The following ANXA1 variants were observed in gnomAD, a reference collection of about 807,000 sequenced individuals.
ANXA1 encodes annexin A1.
ANXA1 carries 39 observed loss-of-function variants against 47.9 expected under a neutral mutation model. That is an observed-to-expected ratio of 0.81 (90% CI 0.63 to 1.06). ANXA1 has a LOEUF of 1.06. Ranked by LOEUF, ANXA1 falls within the 50% of genes least tolerant of loss-of-function variation. The pLI is 0.00. For synonymous variants in ANXA1, 146 were observed against 142.5 expected, an observed-to-expected ratio of 1.02 and a Z score of -0.17; for missense variants, 446 against 422.7, an observed-to-expected ratio of 1.06 and a Z score of -0.48.
intron 3 of ANXA1, 55 bp downstream of exon 3, chr9:73,158,858 A>C: frequency 7.3e-7 from 1 of 1,368,014 alleles, no homozygotes; most frequent in Non-Finnish European, 1.0e-6. Context: ...TGGCTATTTG[A>C]ATGACTGTCA....
At chr9:73,154,325 T>C (rs1398545150) in intron 1 of ANXA1, 1 of 1,366,310 alleles carries the variant, frequency 7.3e-7, no homozygotes, top group South Asian at 1.1e-5. Context: ...TGACTGTTAA[T>C]GAATTTGATT....
chr9:73,167,794 G>T (rs1824257892), intron 11 of ANXA1: 1 of 435,482 alleles, frequency 2.3e-6, no homozygotes. Context: ...CGGCTCACTT[G>T]TGATTTGCTT....
intron 5 of ANXA1, 147 bp from the exon 6 acceptor site, chr9:73,160,656 T>A (rs1824125855): frequency 4.6e-6 from 3 of 653,804 alleles, no homozygotes; most frequent in Non-Finnish European, 5.4e-6. Context: ...TAGGGCAATG[T>A]AATAGAGCTT....
chr9:73,160,186 A>G (rs1042778263), intron 4 of ANXA1, 77 bp from the exon 5 acceptor site: 4 of 1,011,056 alleles, frequency 4.0e-6, no homozygotes, highest in Non-Finnish European at 5.8e-6. Flanking sequence ...ACGATGACCT[A>G]AAGTCAGGTA....
At position 73,156,161 on chromosome 9, in the gene ANXA1, A is replaced by ATAATAAG. The variant is rs1824045520; in HGVS notation, c.-14-2358_-14-2357insTAAGTAA. Among the ~76,000 whole-genome samples, 3 of 147,540 alleles carry ATAATAAG rather than the reference A, an allele frequency of 2.0e-5. No individual in the cohort carries two copies. The South Asian group carries it at 6.2e-4, about 31-fold the overall frequency. ...AATAATAAATAATATAAATAAATAA[A>ATAATAAG]TAAATAAATAAAATAAATAAATAAT... is the stretch of plus-strand genomic sequence containing the variant. On this transcript the variant is annotated intron_variant, in intron 1 of 12. Coordinates refer to ENST00000257497, the MANE Select transcript of ANXA1 (RefSeq NM_000700.3).
At chr9:73,159,718 C>T (rs1163319576) in intron 4 of ANXA1, 1 of 232,740 alleles carries the variant, frequency 4.3e-6, no homozygotes, top group Non-Finnish European at 8.5e-6. Flanking sequence ...AGAATATGGT[C>T]TGATTGAAAT....
rs1165489786 is a variant in ANXA1, at chr9:73,162,937, A to C, written c.555+76A>C. 4 of 1,186,370 alleles carry C rather than the reference A, an allele frequency of 3.4e-6. No individual in the cohort carries two copies. In the African/African-American group the frequency reaches 4.6e-5, roughly 14 times the overall value. 73.5% of individuals were successfully genotyped at this position (1,186,370 alleles called of 1,614,324 possible). A position where few individuals can be genotyped will look rare whatever the true frequency, so the allele number is the denominator to read the frequency against. On this transcript the variant is annotated intron_variant, in intron 7 of 12. Coordinates refer to ENST00000257497, the MANE Select transcript of ANXA1 (RefSeq NM_000700.3). ...TCTTAGTCCATTTTGTGTTGCTATA[A>C]GGGAATATCTGAGGCTAGGTAATTT...
At position 73,167,470 on chromosome 9, in the gene ANXA1, A is replaced by C. The variant is rs202142251; in HGVS notation, c.803-27A>C. 8.7e-6 allele frequency: 14 copies of C among 1,603,848 alleles called. No individual in the cohort carries two copies. The African/African-American group carries it at 1.5e-4, about 17-fold the overall frequency. On this transcript the variant is annotated intron_variant, in intron 10 of 12. Transcript: ENST00000257497. ...ATTTCATTTTTTTCATGGTAAATAC[A>C]TCAACTAAAATTTTCTTCTCTAACA...
At chr9:73,161,474 T>C (rs1179224872) in intron 6 of ANXA1, among the ~76,000 whole-genome samples, 1 of 152,112 alleles carries the variant, frequency 6.6e-6, no homozygotes, top group African/African-American at 2.4e-5. Flanking sequence ...CAGTGAAGCA[T>C]CTCATTTAAA....
intron 6 of ANXA1, among the ~76,000 whole-genome samples, chr9:73,161,968 G>A (rs1824150106): frequency 6.6e-6 from 1 of 152,172 alleles, no homozygotes; most frequent in South Asian, 2.1e-4. Context: ...CAAGTAGTAT[G>A]GGACCAGCGT....
intron 11 of ANXA1, chr9:73,167,851 G>A (rs993200211): frequency 8.5e-5 from 24 of 281,912 alleles, no homozygotes; most frequent in African/African-American, 1.5e-4. Flanking sequence ...CTTTTTTAAC[G>A]TGTAATTTTA....
At chr9:73,168,880 GGTGTGTGTGT>G (rs3832643) in intron 11 of ANXA1, 142 bp from the exon 12 acceptor site, 13 of 402,864 alleles carry the variant, frequency 3.2e-5, no homozygotes, top group South Asian at 1.4e-4. Context: ...ATTCGTGTAA[GGTGTGTGTGT>G]GTGTGTGTGT....
rs536017931 is a variant in ANXA1, at chr9:73,166,600, G to C, written c.802+408G>C. ...ATCTTGGGCAGGTCCAGGAGAGTCT[G>C]ATTCAGTGGGTCCGAGTTGGCCTCT... On this transcript the variant is annotated intron_variant, in intron 10 of 12. Coordinates refer to ENST00000257497, the MANE Select transcript of ANXA1 (RefSeq NM_000700.3). 2.0e-5 allele frequency among the ~76,000 whole-genome samples: 3 copies of C among 152,104 alleles called. No homozygotes were observed. The South Asian group carries it at 6.2e-4, about 32-fold the overall frequency.
rs780540903 is a variant in ANXA1, at chr9:73,158,596, T to C, written c.61T>C (p.Tyr21His). ...GTTTATTGAAAATGAAGAGCAGGAA[T>C]ATGTTGTAAGTAGAGTGATAATAAA... Reference protein sequence around the residue: ...AWFIENEEQEYVQTVKSSKGG... With the variant: ...AWFIENEEQEHVQTVKSSKGG... Residue 21 changes from tyrosine (Y) to histidine (H), a missense_variant, in exon 2 of 13, where the codon TAT becomes CAT. By Grantham distance (83) the Tyr-to-His change is moderately conservative. Coordinates refer to ENST00000257497, the MANE Select transcript of ANXA1 (RefSeq NM_000700.3). The C allele has an allele frequency of 1.9e-6, 3 of 1,613,390 alleles. No individual in the cohort carries two copies. Among genetic ancestry groups the C allele is most frequent in the Non-Finnish European group, 2.5e-6 (3 of 1,179,574 alleles).
At chr9:73,158,878 CAT>C (rs1200464841) in intron 3 of ANXA1, 75 bp downstream of exon 3, 2 of 1,140,812 alleles carry the variant, frequency 1.8e-6, no homozygotes, top group Non-Finnish European at 2.6e-6. Flanking sequence ...AAAAAACAGA[CAT>C]GTGCAATGGA....
chr9:73,155,135 A>G (rs557037152), intron 1 of ANXA1, among the ~76,000 whole-genome samples: 1 of 152,342 alleles, frequency 6.6e-6, no homozygotes, highest in South Asian at 2.1e-4. Flanking sequence ...TAGGCAGTGC[A>G]TGTTCACAAA....
At chr9:73,169,785 G>A (rs1824292786) in intron 12 of ANXA1, among the ~76,000 whole-genome samples, 1 of 151,954 alleles carries the variant, frequency 6.6e-6, no homozygotes, top group African/African-American at 2.4e-5. Flanking sequence ...ATTTAATTTT[G>A]TGTGATATTT....
rs1031365598 is a variant in ANXA1 at position 73,162,881 on chromosome 9, G to A, written c.555+20G>A. ...GCTAAGGTACAACTCAGATACTTTAGGAAATGCCTCTTGTTTTATAAAGAC... is the reference window on the plus strand; with the variant it reads ...GCTAAGGTACAACTCAGATACTTTAAGAAATGCCTCTTGTTTTATAAAGAC... On this transcript the variant is annotated intron_variant, in intron 7 of 12. Coordinates refer to ENST00000257497, the MANE Select transcript of ANXA1 (RefSeq NM_000700.3). The A allele has an allele frequency of 3.2e-6, 5 of 1,579,366 alleles. No individual in the cohort carries two copies. Among genetic ancestry groups the A allele is most frequent in the Non-Finnish European group, 4.3e-6 (5 of 1,150,224 alleles).
chr9:73,166,192 G>C lies in ANXA1; in HGVS notation c.802G>C (p.Val268Leu). ...GDIEKCLTAI[V>L]KCATSKPAFF... ...CATTGAGAAATGCCTCACAGCTATC[G>C]GTATGTAGTCCAGCAGTTGAAAGAG... Residue 268 changes from valine to leucine, a missense_variant and splice_region_variant, in exon 10 of 13, where the codon GTG (valine) becomes CTG (leucine). Val to Leu is a conservative substitution (Grantham distance 32, BLOSUM62 1). Coordinates refer to ENST00000257497, the MANE Select transcript of ANXA1 (RefSeq NM_000700.3). 6.2e-7 allele frequency: 1 copy of C among 1,606,152 alleles called. No homozygotes were observed.
Sources: gnomAD v4.1 joint callset for allele counts (sites outside exome capture counted in the v4.1 genomes callset) on GRCh38, gnomAD v4.1.1 for gene constraint, MANE v1.5 for transcripts, NCBI Gene and HGNC (gene_info 2026-07-23, HGNC 2026-07-21) for gene names.